The following PCDH15 variants were observed in gnomAD, a reference collection of about 807,000 sequenced individuals.
The protein encoded by PCDH15 is protocadherin-15.
PCDH15 carries 129 observed loss-of-function variants against 178.5 expected under a neutral mutation model. That is an observed-to-expected ratio of 0.72 (90% confidence interval 0.63 to 0.84). PCDH15 has a LOEUF of 0.84. Among genes scored for constraint, PCDH15 ranks in the 40% least tolerant of loss-of-function variants. PCDH15 has a pLI of 0.00. For missense variants in PCDH15, 2,230 were observed against 2,099.9 expected (o/e 1.06, Z -1.21); for synonymous variants, 800 against 732.0 (o/e 1.09, Z -1.50).
chr10:54,196,333 A>G (rs2384400), intron 10 of PCDH15, among the ~76,000 whole-genome samples: 34,478 of 151,516 alleles, frequency 0.23, 5,810 homozygotes, highest in African/African-American at 0.48. Context: ...TAGTAGAGAC[A>G]GGGTTTCACC....
chr10:53,953,122 C>G (rs962413125), intron 23 of PCDH15, among the ~76,000 whole-genome samples: 2 of 152,266 alleles, frequency 1.3e-5, no homozygotes, highest in African/African-American at 4.8e-5. Context: ...ATAGCCCCAG[C>G]TGTGTTTCCC....
chr10:54,519,794 G>C (rs11004345), intron 3 of PCDH15, among the ~76,000 whole-genome samples: 1 of 152,038 alleles, frequency 6.6e-6, no homozygotes, highest in East Asian at 1.9e-4. Flanking sequence ...GAGGCATCAC[G>C]CTACCTGACT....
chr10:54,535,833 G>A (rs891378302), intron 2 of PCDH15, among the ~76,000 whole-genome samples: 1 of 151,456 alleles, frequency 6.6e-6, no homozygotes, highest in Non-Finnish European at 1.5e-5. Flanking sequence ...TTTTAAGATT[G>A]CTTTTGTTGA....
At chr10:55,566,995 C>G (rs1384879113) in intron 2 of PCDH15, among the ~76,000 whole-genome samples, 2 of 151,878 alleles carry the variant, frequency 1.3e-5, no homozygotes, top group African/African-American at 2.4e-5. Flanking sequence ...TAGAAAAGAA[C>G]AAGCTAGAGC....
At chr10:54,376,686 GATT>G (rs2134957439) in intron 4 of PCDH15, among the ~76,000 whole-genome samples, 1 of 151,626 alleles carries the variant, frequency 6.6e-6, no homozygotes, top group African/African-American at 2.4e-5. Flanking sequence ...AGTAAACTAA[GATT>G]ATTTCAAATA....
At chr10:55,022,916 T>C (rs528553601) in intron 2 of PCDH15, among the ~76,000 whole-genome samples, 1 of 150,958 alleles carries the variant, frequency 6.6e-6, no homozygotes, top group South Asian at 2.1e-4. Flanking sequence ...AAACTTACTT[T>C]ATTTTTATTG....
At chr10:55,430,161 C>T (rs556752948) in intron 2 of PCDH15, among the ~76,000 whole-genome samples, 11 of 152,150 alleles carry the variant, frequency 7.2e-5, no homozygotes, top group African/African-American at 9.6e-5. Flanking sequence ...CATGGTGGCA[C>T]GTACCTATAG....
At chr10:54,443,380 T>C (rs1057248172) in intron 3 of PCDH15, among the ~76,000 whole-genome samples, 3 of 151,550 alleles carry the variant, frequency 2.0e-5, no homozygotes, top group African/African-American at 7.3e-5. Flanking sequence ...TTTTTTCATA[T>C]TAGATGTTGG....
intron 8 of PCDH15, among the ~76,000 whole-genome samples, chr10:54,260,729 A>G (rs951372222): frequency 3.3e-5 from 5 of 151,930 alleles, no homozygotes; most frequent in Admixed American, 1.3e-4. Flanking sequence ...TACTACTACT[A>G]CTACAGGCAT....
intron 2 of PCDH15, among the ~76,000 whole-genome samples, 164 bp downstream of exon 2, chr10:54,664,007 AT>A (rs2094531413): frequency 6.6e-6 from 1 of 151,972 alleles, no homozygotes; most frequent in Admixed American, 6.6e-5. Flanking sequence ...AGGACATCTG[AT>A]TTCACTTTTC....
At position 55,120,585 on chromosome 10, in the gene PCDH15, T is replaced by A. The variant is rs189166115; in HGVS notation, c.-80+45991A>T. ...AGTGAACATTGACATATGAGGAAAT[T>A]CAAAGATGTGGCATCACAACTACCA... On this transcript the variant is annotated intron_variant, in intron 2 of 5. Transcript: ENST00000458638. Among the ~76,000 whole-genome samples, 1,373 of 152,264 alleles carry A rather than the reference T, an allele frequency of 9.0e-3. 14 individuals are homozygous for A. Among genetic ancestry groups the A allele is most frequent in the South Asian group, 0.024 (118 of 4,828 alleles).
intron 2 of PCDH15, among the ~76,000 whole-genome samples, chr10:55,022,442 A>G (rs1401746607): frequency 1.2e-4 from 14 of 119,996 alleles, no homozygotes; most frequent in Non-Finnish European, 2.1e-4. Flanking sequence ...ACAGAGCGAG[A>G]CTCTGTCTCC....
intron 2 of PCDH15, among the ~76,000 whole-genome samples, chr10:54,980,474 T>G: frequency 6.6e-6 from 1 of 152,126 alleles, no homozygotes; most frequent in East Asian, 1.9e-4. Flanking sequence ...TTCTGTTTTC[T>G]ACATTTTCCT....
chr10:55,261,534 G>A (rs1468617324), intron 1 of PCDH15, among the ~76,000 whole-genome samples: 1 of 152,040 alleles, frequency 6.6e-6, no homozygotes, highest in Non-Finnish European at 1.5e-5. Flanking sequence ...TGCATCTCCA[G>A]AAAGCCACCA....
Position 53,950,285 on chromosome 10 carries a change from C to T in PCDH15, c.3123-9310G>A, listed in dbSNP as rs1194204350. Among the ~76,000 whole-genome samples, 3 of 151,476 alleles carry T rather than the reference C, an allele frequency of 2.0e-5. No individual in the cohort carries two copies. In the East Asian group the frequency reaches 5.8e-4, roughly 29 times the overall value. On this transcript the variant is annotated intron_variant, in intron 23 of 37. Transcript: ENST00000644397. The stretch of plus-strand genomic sequence containing the variant: ...ACAAATATAACTTAGGGATATTTGC[C>T]CTTATTTTATTATATATATACCAGT...
intron 2 of PCDH15, among the ~76,000 whole-genome samples, chr10:55,447,505 T>C (rs1458742540): frequency 6.6e-6 from 1 of 152,042 alleles, no homozygotes; most frequent in Non-Finnish European, 1.5e-5. Context: ...CATGAGATCC[T>C]ACGTCTCCAG....
chr10:55,171,820 A>G (rs1254410608), intron 1 of PCDH15, among the ~76,000 whole-genome samples: 2 of 151,644 alleles, frequency 1.3e-5, no homozygotes, highest in Non-Finnish European at 1.5e-5. Flanking sequence ...AGTGATCTAG[A>G]AAAAAAATGC....
chr10:54,188,910 G>A (rs761655266), intron 11 of PCDH15, among the ~76,000 whole-genome samples: 1 of 151,866 alleles, frequency 6.6e-6, no homozygotes, highest in Non-Finnish European at 1.5e-5. Context: ...CAAAGCATAA[G>A]AGAAAAATGA....
At chr10:54,174,732 G>A (rs1163461117) in intron 13 of PCDH15, among the ~76,000 whole-genome samples, 3 of 103,062 alleles carry the variant, frequency 2.9e-5, no homozygotes, top group Non-Finnish European at 5.5e-5. Context: ...TTGAGACAGA[G>A]TCTCGTTCCG....
Sources: allele counts gnomAD v4.1 joint callset (sites outside exome capture counted in the v4.1 genomes callset), GRCh38; gene constraint gnomAD v4.1.1; transcripts MANE v1.5; gene names NCBI Gene and HGNC (gene_info 2026-07-23, HGNC 2026-07-21).